SCNN1A: variants seen among roughly 807,000 people sequenced by gnomAD.
SCNN1A encodes the protein epithelial sodium channel subunit alpha.
SCNN1A carries 65 observed loss-of-function variants against 68.6 expected under a neutral mutation model. That is an observed-to-expected ratio of 0.95 (90% CI 0.78 to 1.16). The LOEUF is 1.16. Ranked by LOEUF, SCNN1A falls within the 50% of genes most tolerant of loss-of-function variation. The pLI, the probability that SCNN1A is intolerant of heterozygous loss-of-function variation, is 0.00. For missense variants in SCNN1A, 880 were observed against 865.9 expected (o/e 1.02, Z -0.20); for synonymous variants, 357 against 353.3 (o/e 1.01, Z -0.12).
chr12:6,364,454 A>C (rs112748569), intron 2 of SCNN1A, among the ~76,000 whole-genome samples: 4,703 of 152,202 alleles, frequency 0.031, 127 homozygotes, highest in African/African-American at 0.069. Context: ...CAAATACACA[A>C]AAAAAATTAA....
In SCNN1A at chr12:6,363,673, G is replaced by C. The variant is rs953191440; in HGVS notation, c.454C>G (p.Arg152Gly). The change falls in exon 3 of 13, where the codon CGC becomes GGC. Residue 152 changes from arginine (R) to glycine (G), a missense_variant. Coordinates refer to ENST00000228916, the MANE Select transcript of SCNN1A (RefSeq NM_001038.6). ...EIKEELEELDRITEQTLFDLY... is the reference protein window; with the variant it reads ...EIKEELEELDGITEQTLFDLY... Reference sequence around the variant, plus strand: ...TCAAAGAGCGTCTGCTCTGTGATGCGGTCCAGCTCCTCCAGCTCCTCTTTA... The same window carrying C: ...TCAAAGAGCGTCTGCTCTGTGATGCCGTCCAGCTCCTCCAGCTCCTCTTTA... 1 of 1,605,022 alleles carries C rather than the reference G, an allele frequency of 6.2e-7. No individual in the cohort carries two copies. The highest frequency in any genetic ancestry group is 2.3e-5 in the East Asian group (1 of 44,088).
chr12:6,358,669 G>A (rs115349557), intron 4 of SCNN1A, among the ~76,000 whole-genome samples: 3,524 of 152,038 alleles, frequency 0.023, 57 homozygotes, highest in South Asian at 0.1. Flanking sequence ...GATCAGCCTG[G>A]GCACCATAGT....
intron 4 of SCNN1A, chr12:6,356,106 T>C (rs567477821): frequency 3.4e-6 from 2 of 593,492 alleles, no homozygotes; most frequent in East Asian, 2.9e-5. Flanking sequence ...CTCATCCTCA[T>C]ATCACAGAGG....
At chr12:6,375,143 T>C in intron 1 of SCNN1A, 1 of 1,470,206 alleles carries the variant, frequency 6.8e-7, no homozygotes, top group Non-Finnish European at 9.0e-7. Flanking sequence ...TTTCTGTCTC[T>C]GCCCCCTTCC....
upstream of SCNN1A, chr12:6,375,928 A>C: frequency 9.5e-7 from 1 of 1,055,874 alleles, no homozygotes; most frequent in East Asian, 7.5e-5. Flanking sequence ...GGACAGAGAG[A>C]TAGGGATGGA....
Position 6,374,403 on chromosome 12 carries a change from G to A in SCNN1A, c.381C>T (p.Phe127=). 6.2e-7 allele frequency: 1 copy of A among 1,614,236 alleles called. No individual in the cohort carries two copies. The highest frequency in any genetic ancestry group is 8.5e-7 in the Non-Finnish European group (1 of 1,180,038). The change falls in exon 2 of 13, where the codon TTC becomes TTT. Residue 127 remains phenylalanine (F), a synonymous_variant. Transcript: ENST00000228916. This position sits in a 1 kb window ranked among gnomAD's most constrained non-coding sequence, Gnocchi z 6.2. ...NINLNSDKLV[F]PAVTICTLNP... ...TGAGGGTGCAGATGGTCACTGCGGG[G>A]AAGACGAGCTTGTCCGAGTTGAGGT...
intron 2 of SCNN1A, among the ~76,000 whole-genome samples, chr12:6,365,556 G>A (rs1457150410): frequency 6.6e-6 from 1 of 152,100 alleles, no homozygotes; most frequent in East Asian, 1.9e-4. Flanking sequence ...ATGCATAGAT[G>A]GTCAACTGAT....
Position 6,363,487 on chromosome 12 carries a change from T to A in SCNN1A, c.640A>T (p.Asn214Tyr). ...CAGTCCTTCCAGTCCACCTGGGGGT[T>A]GTTGTCCCGCAAGCTGGAGGCCACG... ...RSVASSLRDN[N>Y]PQVDWKDWKI... is the part of the protein sequence containing the mutation. Residue 214 changes from asparagine (N) to tyrosine (Y), a missense_variant, in exon 3 of 13, where the codon AAC becomes TAC. Around this residue, in one of 3 missense-constraint regions of SCNN1A, gnomAD observed 758 missense variants for 721.8 expected, o/e 1.05. Transcript: ENST00000228916. 1 of 1,606,376 alleles carries A rather than the reference T, an allele frequency of 6.2e-7. No homozygotes were observed. Among genetic ancestry groups the A allele is most frequent in the Non-Finnish European group, 8.5e-7 (1 of 1,176,754 alleles).
At chr12:6,358,654 T>C (rs1257796159) in intron 4 of SCNN1A, among the ~76,000 whole-genome samples, 2 of 151,440 alleles carry the variant, frequency 1.3e-5, no homozygotes, top group East Asian at 3.9e-4. Context: ...AGCTCAGGAG[T>C]TCGAGATCAG....
chr12:6,349,469 G>C, intron 8 of SCNN1A, 64 bp from the exon 9 acceptor site: 2 of 1,214,814 alleles, frequency 1.6e-6, no homozygotes, highest in Admixed American at 2.0e-5. Flanking sequence ...CCACACCCAA[G>C]AGGTCTCCCA....
At chr12:6,362,512 G>A (rs1431109406) in intron 3 of SCNN1A, among the ~76,000 whole-genome samples, 1 of 152,076 alleles carries the variant, frequency 6.6e-6, no homozygotes, top group East Asian at 1.9e-4. Context: ...CCCTGCCTAG[G>A]GTGGAAGGAG....
intron 12 of SCNN1A, 78 bp downstream of exon 12, chr12:6,348,648 AC>A: frequency 1.6e-6 from 2 of 1,239,298 alleles, no homozygotes; most frequent in East Asian, 2.3e-5. Context: ...CACAGAGACA[AC>A]CTTTTGGTTT....
intron 2 of SCNN1A, among the ~76,000 whole-genome samples, chr12:6,371,990 G>T (rs1467887050): frequency 6.6e-6 from 1 of 151,940 alleles, no homozygotes; most frequent in African/African-American, 2.4e-5. Flanking sequence ...AGAGACGGGG[G>T]TTTCACCATG....
Position 6,349,323 on chromosome 12 carries a change from T to C in SCNN1A, c.1439+4A>G. The C allele has an allele frequency of 6.2e-7, 1 of 1,613,706 alleles. No individual in the cohort carries two copies. On this transcript the variant is annotated splice_donor_region_variant and intron_variant, in intron 9 of 12. Transcript: ENST00000228916. ...AACCTGTACCCGGGGAAGGGGACAC[T>C]AACCTGCATGGCTTCCGGCACTTGG...
rs546213773 is a variant in SCNN1A at position 6,354,055 on chromosome 12, C to A, written c.1360+383G>T. ...ACCATCCTGGCTAACAGGGTGAAAC[C>A]CCGTCTCTACTAAAAATACCAAAAA... is the stretch of plus-strand genomic sequence containing the variant. On this transcript the variant is annotated intron_variant, in intron 8 of 12. Coordinates refer to ENST00000228916, the MANE Select transcript of SCNN1A (RefSeq NM_001038.6). 1.1e-4 allele frequency among the ~76,000 whole-genome samples: 16 copies of A among 150,798 alleles called. No individual in the cohort carries two copies. In the South Asian group the frequency reaches 3.4e-3, roughly 32 times the overall value.
chr12:6,374,222 T>C lies in SCNN1A; in HGVS notation c.416+146A>G. On this transcript the variant is annotated intron_variant, in intron 2 of 12. Coordinates refer to ENST00000228916, the MANE Select transcript of SCNN1A (RefSeq NM_001038.6). This position sits in a 1 kb window ranked among gnomAD's most constrained non-coding sequence, Gnocchi z 6.2. ...AGTCCAGTAAGCTGGAGGCTCCTCA[T>C]TTTGCCAGCAGTGAGCTCTACCTGG... 3 of 889,786 alleles carry C rather than the reference T, an allele frequency of 3.4e-6. No individual in the cohort carries two copies. The highest frequency in any genetic ancestry group is 5.1e-6 in the Non-Finnish European group (3 of 584,330). The allele number at this position is 889,786 out of a possible 1,614,324, so 55.1% of individuals were successfully genotyped here.
chr12:6,358,859 C>CAAA lies in SCNN1A; in HGVS notation c.876-2982_876-2980dup, dbSNP rs35673511. ...TGGGTAACAGAGTGAGAACCTGTCT[C>CAAA]AAAAAAAAAAAAAAAAAAAAGGTGG... On this transcript the variant is annotated intron_variant, in intron 4 of 12. Transcript: ENST00000228916. Among the ~76,000 whole-genome samples the CAAA allele has an allele frequency of 3.0e-3, 253 of 83,584 alleles. 1 individual carries two copies. Among genetic ancestry groups the CAAA allele is most frequent in the African/African-American group, 8.9e-3 (239 of 26,880 alleles). 54.8% of individuals were successfully genotyped at this position (83,584 alleles called of 152,430 possible).
Position 6,363,446 on chromosome 12 carries a change from C to T in SCNN1A, c.681G>A (p.Gln227=). The T allele has an allele frequency of 1.3e-6, 2 of 1,579,986 alleles. No individual in the cohort carries two copies. The highest frequency in any genetic ancestry group is 8.6e-7 in the Non-Finnish European group (1 of 1,165,292). The change falls in exon 3 of 13, where the codon CAG becomes CAA. Residue 227 remains glutamine (Q), a synonymous_variant. Transcript: ENST00000228916. The part of the protein sequence containing the change: ...VDWKDWKIGF[Q]LCNQNKSDCF... ...CCCTCGGCGCTGCGGGCCTCACCAG[C>T]TGGAAGCCGATCTTCCAGTCCTTCC...
intron 2 of SCNN1A, among the ~76,000 whole-genome samples, chr12:6,373,617 T>G (rs1948834805): frequency 6.6e-6 from 1 of 152,138 alleles, no homozygotes; most frequent in Admixed American, 6.5e-5. Flanking sequence ...TACCACCTGC[T>G]CCGGTTTCCA....
Sources: gnomAD v4.1 joint callset for allele counts (sites outside exome capture counted in the v4.1 genomes callset) on GRCh38, gnomAD v4.1.1 for gene constraint, gnomAD v4.1.1 regional missense constraint, Gnocchi (gnomAD v3.1) non-coding constraint, MANE v1.5 for transcripts, NCBI Gene and HGNC (gene_info 2026-07-23, HGNC 2026-07-21) for gene names.